Variants in LPCAT3 observed in about 807,000 individuals in gnomAD.
LPCAT3 encodes lysophospholipid acyltransferase 5.
A neutral mutation model predicts 63.4 loss-of-function variants in LPCAT3; 21 were observed. The observed-to-expected ratio is 0.33, with a 90% CI of 0.23 to 0.48. The LOEUF is 0.48. LPCAT3 is among the 20% of genes least tolerant of loss of function. LPCAT3 has a pLI of 0.99. For missense variants in LPCAT3, 451 were observed against 590.6 expected (o/e 0.76, Z 2.45); for synonymous variants, 242 against 227.5 (o/e 1.06, Z -0.58).
chr12:6,987,400 T>G lies in LPCAT3; in HGVS notation c.152-3861A>C, dbSNP rs1420372292. Among the ~76,000 whole-genome samples, 2 of 152,332 alleles carry G rather than the reference T, an allele frequency of 1.3e-5. No homozygotes were observed. Among genetic ancestry groups the G allele is most frequent in the East Asian group, 3.9e-4 (2 of 5,188 alleles). On this transcript the variant is annotated intron_variant, in intron 1 of 12. Coordinates refer to ENST00000261407, the MANE Select transcript of LPCAT3 (RefSeq NM_005768.6). The surrounding 1 kb of genome is among the most constrained non-coding windows in gnomAD (Gnocchi z 4.1). Reference sequence around the variant, plus strand: ...AGCTCTAGGGAGGTGGAGACATCTATGACCCTTTCAGGTAGATCAATGAGC... The same window carrying G: ...AGCTCTAGGGAGGTGGAGACATCTAGGACCCTTTCAGGTAGATCAATGAGC...
Position 6,982,778 on chromosome 12 carries a change from G to T in LPCAT3, c.264C>A (p.Asn88Lys), listed in dbSNP as rs376311456. 1.9e-6 allele frequency: 3 copies of T among 1,609,976 alleles called. No individual in the cohort carries two copies. The highest frequency in any genetic ancestry group is 1.3e-5 in the African/African-American group (1 of 74,696). Reference sequence around the variant, plus strand: ...TACACAGCAGGGAGTGGTAGAGCTGGTTTCCTGGATGCAAGAAGAGAGAAT... The same window carrying T: ...TACACAGCAGGGAGTGGTAGAGCTGTTTTCCTGGATGCAAGAAGAGAGAAT... ...GLSIAYFNFG[N>K]QLYHSLLCIV... The change falls in exon 3 of 13, where the codon AAC (asparagine) becomes AAA (lysine). Residue 88 changes from asparagine to lysine, a missense_variant. Around this residue, in one of 3 missense-constraint regions of LPCAT3, gnomAD observed 133 missense variants for 152.1 expected, o/e 0.87. Transcript: ENST00000261407.
Position 6,977,338 on chromosome 12 carries a change from C to T in LPCAT3, c.1347+29G>A, listed in dbSNP as rs1156997350. On this transcript the variant is annotated intron_variant, in intron 11 of 12. Transcript: ENST00000261407. This position sits in a 1 kb window ranked among gnomAD's most constrained non-coding sequence, Gnocchi z 4.5. Reference sequence around the variant, plus strand: ...ACCTTTGAGGTTGCAGTGAGTCCCTCCCAGTCTCACAAGCAGGCCTTCACT... The same window carrying T: ...ACCTTTGAGGTTGCAGTGAGTCCCTTCCAGTCTCACAAGCAGGCCTTCACT... The T allele has an allele frequency of 6.2e-7, 1 of 1,613,842 alleles. No homozygotes were observed. The highest frequency in any genetic ancestry group is 8.5e-7 in the Non-Finnish European group (1 of 1,179,752).
At chr12:6,978,006 C>A (rs1946428218) in intron 9 of LPCAT3, 4 of 565,310 alleles carry the variant, frequency 7.1e-6, no homozygotes, top group Non-Finnish European at 1.3e-5. Flanking sequence ...CAGTGGTGAA[C>A]CAGACACTCT....
In LPCAT3 at chr12:6,977,294, G is replaced by C; in HGVS notation, c.1348-32C>G. On this transcript the variant is annotated intron_variant, in intron 11 of 12. Transcript: ENST00000261407. The surrounding 1 kb of genome is among the most constrained non-coding windows in gnomAD (Gnocchi z 4.5). ...AGAGAGAGGCCACTAAGGTAGACAG[G>C]CCTGGAGTGTCCTTTGCAACCTTTG... The C allele has an allele frequency of 1.2e-6, 2 of 1,611,272 alleles. No individual in the cohort carries two copies. Among genetic ancestry groups the C allele is most frequent in the Non-Finnish European group, 1.7e-6 (2 of 1,177,446 alleles).
chr12:6,979,175 C>T (rs1298348026), intron 7 of LPCAT3: 4 of 421,848 alleles, frequency 9.5e-6, no homozygotes, highest in Non-Finnish European at 1.3e-5. Context: ...GAATCAGAAG[C>T]TGCTGTGCTC....
At chr12:6,989,072 G>A (rs1246078553) in intron 1 of LPCAT3, among the ~76,000 whole-genome samples, 2 of 151,162 alleles carry the variant, frequency 1.3e-5, no homozygotes, top group African/African-American at 4.9e-5. Context: ...GTGGTGAGCC[G>A]AGATCACGCC....
chr12:6,977,508 T>A lies in LPCAT3; in HGVS notation c.1206A>T (p.Gln402His). The A allele has an allele frequency of 1.9e-6, 3 of 1,614,176 alleles. No individual in the cohort carries two copies. Among genetic ancestry groups the A allele is most frequent in the Non-Finnish European group, 2.5e-6 (3 of 1,180,018 alleles). ...IVERQAARLI[Q>H]ESPTLSKLAA... Reference sequence around the variant, plus strand: ...CCAGCTTGCTCAGGGTGGGGCTCTCTTGAATGAGCCTGGCAGCCTGGGGAG... The same window carrying A: ...CCAGCTTGCTCAGGGTGGGGCTCTCATGAATGAGCCTGGCAGCCTGGGGAG... Residue 402 changes from glutamine to histidine, a missense_variant, in exon 11 of 13, where the codon CAA becomes CAT. This residue lies in a region of LPCAT3 where 304 missense variants were observed against 390.8 expected (regional missense o/e 0.78). Transcript: ENST00000261407. The surrounding 1 kb of genome is among the most constrained non-coding windows in gnomAD (Gnocchi z 4.5).
At position 6,977,391 on chromosome 12, in the gene LPCAT3, G is replaced by C. The variant is rs1946417502; in HGVS notation, c.1323C>G (p.Leu441=). 6.2e-7 allele frequency: 1 copy of C among 1,614,110 alleles called. No homozygotes were observed. The highest frequency in any genetic ancestry group is 8.5e-7 in the Non-Finnish European group (1 of 1,180,056). Residue 441 remains leucine, a synonymous_variant, in exon 11 of 13, where the codon CTC becomes CTG. Transcript: ENST00000261407. The surrounding 1 kb of genome is among the most constrained non-coding windows in gnomAD (Gnocchi z 4.5). The stretch of plus-strand genomic sequence containing the variant: ...CCTTAAGCCATTTGTCCCACGTGAA[G>C]AGGCAGAAGGCAGTCATGGAGTAAC... The part of the protein sequence containing the change: ...FMGYSMTAFC[L]FTWDKWLKVY...
chr12:6,996,825 G>A (rs1946639545), intron 1 of LPCAT3, among the ~76,000 whole-genome samples: 1 of 152,200 alleles, frequency 6.6e-6, no homozygotes, highest in Non-Finnish European at 1.5e-5. Context: ...GTCGGGAGAA[G>A]TAGTTCTTGA....
chr12:7,004,153 C>T (rs927700111), intron 1 of LPCAT3, among the ~76,000 whole-genome samples: 2 of 152,108 alleles, frequency 1.3e-5, no homozygotes, highest in Non-Finnish European at 2.9e-5. Flanking sequence ...TTTACTACTA[C>T]TAAGCTTCAT....
intron 1 of LPCAT3, among the ~76,000 whole-genome samples, chr12:7,011,894 C>T (rs1400974557): frequency 6.6e-6 from 1 of 152,104 alleles, no homozygotes; most frequent in African/African-American, 2.4e-5. Context: ...ATTAATGCTG[C>T]TTAATTTTCA....
chr12:7,018,378 G>T lies in LPCAT3; in HGVS notation c.47C>A (p.Ala16Glu), dbSNP rs782606095. 13 of 1,612,274 alleles carry T rather than the reference G, an allele frequency of 8.1e-6. No individual in the cohort carries two copies. The highest frequency in any genetic ancestry group is 1.1e-5 in the Non-Finnish European group (13 of 1,179,186). Residue 16 changes from alanine (A) to glutamate (E), a missense_variant, in exon 1 of 13, where the codon GCG becomes GAG. Ala to Glu is a moderately radical substitution (Grantham distance 107). Coordinates refer to ENST00000261407, the MANE Select transcript of LPCAT3 (RefSeq NM_005768.6). The surrounding 1 kb of genome is among the most constrained non-coding windows in gnomAD (Gnocchi z 4.9). ...EGDEGTVVALAGVLQSGFQEL... is the reference protein window; with the variant it reads ...EGDEGTVVALEGVLQSGFQEL... ...CTGGAAACCCGACTGCAGAACCCCC[G>T]CCAGCGCCACCACAGTCCCCTCGTC...
At chr12:6,984,950 T>C (rs1946506683) in intron 1 of LPCAT3, among the ~76,000 whole-genome samples, 2 of 152,218 alleles carry the variant, frequency 1.3e-5, no homozygotes, top group South Asian at 4.1e-4. Flanking sequence ...TACAGTTTAC[T>C]GTGAGTTTGC....
At chr12:7,010,578 G>A (rs1946755441) in intron 1 of LPCAT3, among the ~76,000 whole-genome samples, 1 of 152,154 alleles carries the variant, frequency 6.6e-6, no homozygotes, top group Admixed American at 6.5e-5. Context: ...ACCATGCCCA[G>A]CTAATGCAAA....
rs782795617 is a variant in LPCAT3 at position 7,017,948 on chromosome 12, A to G, written c.151+326T>C. 1.8e-4 allele frequency among the ~76,000 whole-genome samples: 28 copies of G among 152,216 alleles called. No homozygotes were observed. The highest frequency in any genetic ancestry group is 3.4e-4 in the Non-Finnish European group (23 of 68,030). Reference sequence around the variant, plus strand: ...GACAGAGCAGGACACATGGCCAGACAGTGGAACTCAACAGAGCGACAAATA... The same window carrying G: ...GACAGAGCAGGACACATGGCCAGACGGTGGAACTCAACAGAGCGACAAATA... On this transcript the variant is annotated intron_variant, in intron 1 of 12. Transcript: ENST00000261407. The surrounding 1 kb of genome is among the most constrained non-coding windows in gnomAD (Gnocchi z 4.1).
chr12:6,994,753 C>A (rs1400645248), intron 1 of LPCAT3, among the ~76,000 whole-genome samples: 1 of 152,180 alleles, frequency 6.6e-6, no homozygotes, highest in Admixed American at 6.5e-5. Flanking sequence ...CTGTGCTTGG[C>A]CAATGTTCAC....
chr12:6,988,296 G>A (rs1946548526), intron 1 of LPCAT3: 1 of 152,730 alleles, frequency 6.5e-6, no homozygotes, highest in South Asian at 2.1e-4. Context: ...AGGTTAGCAG[G>A]AACGTTAAGA....
Position 6,981,137 on chromosome 12 carries a change from G to A in LPCAT3, c.544C>T (p.Pro182Ser). Residue 182 changes from proline to serine, a missense_variant, in exon 6 of 13, where the codon CCT becomes TCT. By Grantham distance (74) the Pro-to-Ser change is moderately conservative. Around this residue, in one of 3 missense-constraint regions of LPCAT3, gnomAD observed 304 missense variants for 390.8 expected, o/e 0.78. Coordinates refer to ENST00000261407, the MANE Select transcript of LPCAT3 (RefSeq NM_005768.6). ...EQQKYAIRGV[P>S]SLLEVAGFSY... is the part of the protein sequence containing the mutation. ...AAACCAGCAACTTCCAGCAGGGAAG[G>A]AACACCACGTATGGCATATTTCTGT... 6.2e-7 allele frequency: 1 copy of A among 1,613,552 alleles called. No individual in the cohort carries two copies. The highest frequency in any genetic ancestry group is 8.5e-7 in the Non-Finnish European group (1 of 1,179,826).
At chr12:7,003,213 T>G (rs1400975240) in intron 1 of LPCAT3, among the ~76,000 whole-genome samples, 2 of 152,132 alleles carry the variant, frequency 1.3e-5, no homozygotes, top group Non-Finnish European at 2.9e-5. Context: ...TTTTATTTGG[T>G]TATTAAAATG....
Sources: gnomAD v4.1 joint callset for allele counts (sites outside exome capture counted in the v4.1 genomes callset) on GRCh38, gnomAD v4.1.1 for gene constraint, gnomAD v4.1.1 regional missense constraint, Gnocchi (gnomAD v3.1) non-coding constraint, MANE v1.5 for transcripts, NCBI Gene and HGNC (gene_info 2026-07-23, HGNC 2026-07-21) for gene names.